The following TMEM255A variants were observed in gnomAD, a reference collection of about 807,000 sequenced individuals.
TMEM255A encodes the protein family with sequence similarity 70, member A.
Under a neutral mutation model 23.5 loss-of-function variants are expected in TMEM255A, and 14 were observed. The ratio of observed to expected loss-of-function variants is 0.60; its 90% CI spans 0.39 to 0.93. The LOEUF is 0.93. Ranked by LOEUF, TMEM255A falls within the 40% of genes least tolerant of loss-of-function variation. The pLI is 0.00. For synonymous variants in TMEM255A, 104 were observed against 100.3 expected (o/e 1.04, Z -0.22); for missense variants, 233 against 261.7 (o/e 0.89, Z 0.76).
downstream of TMEM255A, chrX:120,255,209 A>AT: frequency 8.3e-7 from 1 of 1,211,777 alleles, no homozygotes; most frequent in Non-Finnish European, 1.1e-6. Flanking sequence ...GACAATATGC[A>AT]TATCTTTCCG....
At chrX:120,258,168 G>A (rs1414817588), downstream of TMEM255A, 6 of 122,971 alleles carry the variant, frequency 4.9e-5, no homozygotes, top group African/African-American at 1.6e-4. Context: ...ACTGATCAAG[G>A]TATTTTGTAT....
the TMEM255A span, among the ~76,000 whole-genome samples, chrX:120,251,836 C>T: frequency 8.9e-6 from 1 of 112,238 alleles, no homozygotes. Flanking sequence ...GAAACGAAAC[C>T]GAGTCCCAGT....
intron 4 of TMEM255A, among the ~76,000 whole-genome samples, chrX:120,290,266 G>A (rs2057905890): frequency 8.9e-6 from 1 of 112,073 alleles, no homozygotes; most frequent in Non-Finnish European, 1.9e-5. Flanking sequence ...TTTAGCTCAT[G>A]CTGCCATCAA....
rs1381509911 is a variant in TMEM255A at position 120,266,133 on chromosome X, G to A, written c.819+2111C>T. ...TGTGCCATTGCACTCCAGCCTGAGC[G>A]ACAGGGCAAGACTCTGTCTCAAAAA... On this transcript the variant is annotated intron_variant, in intron 8 of 8. Coordinates refer to ENST00000371369, the MANE Select transcript of TMEM255A (RefSeq NM_001104544.3). 4.8e-5 allele frequency among the ~76,000 whole-genome samples: 5 copies of A among 104,291 alleles called. No homozygotes were observed. The East Asian group carries it at 8.9e-4, about 19-fold the overall frequency. 90.6% of individuals were successfully genotyped at this position (104,291 alleles called of 115,157 possible).
chrX:120,254,126 G>A (rs782091390), downstream of TMEM255A: 5 of 1,210,948 alleles, frequency 4.1e-6, no homozygotes, highest in Non-Finnish European at 5.6e-6. Flanking sequence ...GCAATAACTC[G>A]CCCCCTTTAA....
chrX:120,271,005 C>G (rs2057755896), intron 7 of TMEM255A, among the ~76,000 whole-genome samples: 1 of 110,882 alleles, frequency 9.0e-6, no homozygotes, highest in Non-Finnish European at 1.9e-5. Context: ...CACTGGTTCT[C>G]TAATCTCATG....
intron 7 of TMEM255A, among the ~76,000 whole-genome samples, chrX:120,269,418 C>A: frequency 8.9e-6 from 1 of 112,242 alleles, no homozygotes; most frequent in South Asian, 3.7e-4. Flanking sequence ...TCTGAAAAAT[C>A]AATGTGTCTT....
intron 2 of TMEM255A, among the ~76,000 whole-genome samples, chrX:120,296,924 AATATT>A (rs1440104701): frequency 8.3e-4 from 1 of 1,208 alleles, no homozygotes; most frequent in Non-Finnish European, 1.3e-3. Context: ...TATTATATAT[AATATT>A]ATATATATAA....
At chrX:120,276,097 G>A (rs1292287631) in intron 7 of TMEM255A, among the ~76,000 whole-genome samples, 1 of 111,384 alleles carries the variant, frequency 9.0e-6, no homozygotes, top group Non-Finnish European at 1.9e-5. Context: ...TGCTGGGCAG[G>A]TGATTCTTAT....
intron 4 of TMEM255A, among the ~76,000 whole-genome samples, chrX:120,287,690 A>G (rs1434864718): frequency 9.0e-6 from 1 of 111,573 alleles, no homozygotes; most frequent in Non-Finnish European, 1.9e-5. Context: ...TCATTTCCGC[A>G]TCATTTTCAG....
At chrX:120,271,356 C>A (rs2057759792) in intron 7 of TMEM255A, among the ~76,000 whole-genome samples, 1 of 111,755 alleles carries the variant, frequency 8.9e-6, no homozygotes, top group Non-Finnish European at 1.9e-5. Context: ...GGGCAAGTCA[C>A]TTGACCCCTC....
intron 1 of TMEM255A, among the ~76,000 whole-genome samples, chrX:120,308,150 A>C (rs1161680793): frequency 8.9e-6 from 1 of 111,780 alleles, no homozygotes; most frequent in East Asian, 2.8e-4. Flanking sequence ...ATTCCCAGGT[A>C]CCTTACTCAA....
At chrX:120,310,260 C>T (rs1415562374) in intron 1 of TMEM255A, 2 of 112,148 alleles carry the variant, frequency 1.8e-5, no homozygotes, top group Admixed American at 1.9e-4. Context: ...TCCCGCTCTC[C>T]AGGGCTCCAA....
At chrX:120,301,781 A>T (rs1175457109) in intron 2 of TMEM255A, among the ~76,000 whole-genome samples, 2 of 111,449 alleles carry the variant, frequency 1.8e-5, no homozygotes, top group Non-Finnish European at 3.8e-5. Context: ...TGGGGAAACC[A>T]CTGGTTTGGA....
chrX:120,272,215 G>T (rs142785865), intron 7 of TMEM255A, among the ~76,000 whole-genome samples: 21 of 111,351 alleles, frequency 1.9e-4, no homozygotes, highest in Non-Finnish European at 3.4e-4. Context: ...CATTTGCTTA[G>T]TCACCTGGCT....
chrX:120,307,283 T>C (rs1394434826), intron 1 of TMEM255A, among the ~76,000 whole-genome samples: 3 of 111,982 alleles, frequency 2.7e-5, no homozygotes, highest in Admixed American at 9.4e-5. Flanking sequence ...AAAGGCAGTT[T>C]ATTGTGTCTG....
chrX:120,290,111 T>G (rs1556022634), intron 4 of TMEM255A, among the ~76,000 whole-genome samples: 1 of 111,621 alleles, frequency 9.0e-6, no homozygotes, highest in Non-Finnish European at 1.9e-5. Flanking sequence ...TGGTTGCACA[T>G]AAATAACTGA....
intron 7 of TMEM255A, among the ~76,000 whole-genome samples, chrX:120,269,984 G>A (rs897758187): frequency 2.7e-5 from 3 of 112,105 alleles, no homozygotes; most frequent in African/African-American, 9.7e-5. Context: ...AAGGCCAAGG[G>A]TCTAGACAAT....
chrX:120,283,673 C>T, intron 6 of TMEM255A, among the ~76,000 whole-genome samples: 1 of 111,890 alleles, frequency 8.9e-6, no homozygotes, highest in African/African-American at 3.3e-5. Context: ...ACATCACCTA[C>T]TCACACATCC....
Sources: allele counts gnomAD v4.1 joint callset (sites outside exome capture counted in the v4.1 genomes callset), GRCh38; gene constraint gnomAD v4.1.1; transcripts MANE v1.5; gene names NCBI Gene and HGNC (gene_info 2026-07-23, HGNC 2026-07-21).